RTN3: variants seen among roughly 807,000 people sequenced by gnomAD.
RTN3 encodes reticulon 3, also known as reticulon-3.
A neutral mutation model predicts 77.8 loss-of-function variants in RTN3; 49 were observed. The observed-to-expected ratio is 0.63, with a 90% confidence interval of 0.50 to 0.80. The LOEUF is 0.80. Among genes scored for constraint, RTN3 ranks in the 30% least tolerant of loss-of-function variants. RTN3 has a pLI of 0.00. For missense variants in RTN3, 1,236 were observed against 1,211.9 expected, an observed-to-expected ratio of 1.02 and a Z score of -0.29; for synonymous variants, 464 against 446.9, an observed-to-expected ratio of 1.04 and a Z score of -0.48.
chr11:63,735,100 C>T (rs755242996), intron 3 of RTN3, among the ~76,000 whole-genome samples: 5 of 152,072 alleles, frequency 3.3e-5, no homozygotes, highest in Non-Finnish European at 7.4e-5. Flanking sequence ...AATCTCTGCT[C>T]ATTGTAACCT....
At chr11:63,697,768 G>A (rs1048021647) in intron 1 of RTN3, among the ~76,000 whole-genome samples, 2 of 152,212 alleles carry the variant, frequency 1.3e-5, no homozygotes, top group African/African-American at 4.8e-5. Context: ...GAGCCACCGC[G>A]CCCGGCCCAC....
At chr11:63,727,949 A>G (rs755541830) in intron 3 of RTN3, among the ~76,000 whole-genome samples, 1 of 152,234 alleles carries the variant, frequency 6.6e-6, no homozygotes, top group South Asian at 2.1e-4. Context: ...ATAATTACAA[A>G]GAAAACCATA....
At chr11:63,703,130 A>C (rs1942328553) in intron 1 of RTN3, among the ~76,000 whole-genome samples, 1 of 152,202 alleles carries the variant, frequency 6.6e-6, no homozygotes, top group Non-Finnish European at 1.5e-5. Flanking sequence ...AAAAAAACAC[A>C]ATTTTTAAAA....
rs530675046 is a variant in RTN3 at position 63,759,826 on chromosome 11, G to C, written c.*1625G>C. The C allele has an allele frequency of 6.6e-6, 1 of 150,726 alleles. No individual in the cohort carries two copies. Among genetic ancestry groups the C allele is most frequent in the Non-Finnish European group, 1.5e-5 (1 of 67,800 alleles). The allele number at this position is 150,726 out of a possible 1,614,324, so 9.3% of individuals were successfully genotyped here. A position where few individuals can be genotyped will look rare whatever the true frequency, so the allele number is the denominator to read the frequency against. On this transcript the variant is annotated 3_prime_UTR_variant, in exon 9 of 9. Transcript: ENST00000377819. ...AAATACAGTAGCACCTAAGGAGCTT[G>C]AATCTTGGTTCCTGTAAAATTTCAA...
At chr11:63,741,704 T>C (rs1323173480) in intron 3 of RTN3, among the ~76,000 whole-genome samples, 2 of 151,976 alleles carry the variant, frequency 1.3e-5, no homozygotes, top group African/African-American at 2.4e-5. Flanking sequence ...TTCTGCCGTG[T>C]TGGCCAGGCT....
intron 2 of RTN3, among the ~76,000 whole-genome samples, chr11:63,717,627 TG>T (rs2011487959): frequency 6.6e-6 from 1 of 151,766 alleles, no homozygotes; most frequent in African/African-American, 2.4e-5. Context: ...TGACCTCAGG[TG>T]AGCCACTGCA....
intron 7 of RTN3, among the ~76,000 whole-genome samples, chr11:63,755,651 CAAA>C (rs776039864): frequency 3.5e-4 from 6 of 17,064 alleles, no homozygotes; most frequent in Admixed American, 9.7e-4. Context: ...AATTCCATCT[CAAA>C]AAAAAAAAAA....
At chr11:63,728,552 G>A (rs1025581322) in intron 3 of RTN3, among the ~76,000 whole-genome samples, 1 of 152,126 alleles carries the variant, frequency 6.6e-6, no homozygotes, top group Middle Eastern at 3.2e-3. Flanking sequence ...GTGTATCGTA[G>A]TCAAGTTGCT....
In RTN3 at chr11:63,752,512, A is replaced by T; in HGVS notation, c.2744A>T (p.Tyr915Phe). 6.2e-7 allele frequency: 1 copy of T among 1,613,092 alleles called. No homozygotes were observed. Among genetic ancestry groups the T allele is most frequent in the Middle Eastern group, 1.6e-4 (1 of 6,062 alleles). The part of the protein sequence containing the change: ...KSEEGHPFKA[Y>F]LDVDITLSSE... ...GTTATTTCTTCTTCTGGAAGAGCCT[A>T]CCTGGACGTAGACATTACTCTGTCC... The change falls in exon 5 of 9, where the codon TAC (tyrosine) becomes TTC (phenylalanine). Residue 915 changes from tyrosine to phenylalanine, a missense_variant. Transcript: ENST00000377819.
At chr11:63,749,048 A>G (rs973600414) in intron 3 of RTN3, among the ~76,000 whole-genome samples, 13 of 151,598 alleles carry the variant, frequency 8.6e-5, no homozygotes, top group African/African-American at 3.1e-4. Flanking sequence ...GTGGGAGGCC[A>G]CAGCAGGAAG....
chr11:63,727,091 CAG>C (rs553605540), intron 3 of RTN3, among the ~76,000 whole-genome samples: 190 of 148,080 alleles, frequency 1.3e-3, no homozygotes, highest in African/African-American at 4.4e-3. Flanking sequence ...CCAGGGAGGT[CAG>C]GGGTGCAGAT....
chr11:63,696,865 CTTTCTTTCTTTCTTTCTT>C (rs1565304402), intron 1 of RTN3, among the ~76,000 whole-genome samples: 1 of 56,684 alleles, frequency 1.8e-5, no homozygotes, highest in Non-Finnish European at 3.4e-5. Flanking sequence ...TATTTTCTTT[CTTTCTTTCTTTCTTTCTT>C]TTTTTTTTTT....
At chr11:63,703,285 G>A (rs1388051925) in intron 1 of RTN3, among the ~76,000 whole-genome samples, 3 of 152,114 alleles carry the variant, frequency 2.0e-5, no homozygotes, top group African/African-American at 7.2e-5. Context: ...TTCAGATTTT[G>A]GTGGTGGGGG....
At chr11:63,750,781 G>A (rs991119398) in intron 4 of RTN3, among the ~76,000 whole-genome samples, 18 of 151,670 alleles carry the variant, frequency 1.2e-4, no homozygotes, top group Non-Finnish European at 1.5e-5. Flanking sequence ...GCCCAGGCTG[G>A]AGTGCAGCGG....
chr11:63,687,432 CATGGTGA>C (rs1941432791), intron 1 of RTN3, among the ~76,000 whole-genome samples: 1 of 152,130 alleles, frequency 6.6e-6, no homozygotes, highest in African/African-American at 2.4e-5. Flanking sequence ...GCCTGGCCAA[CATGGTGA>C]AACCCTGCCT....
chr11:63,710,174 A>G (rs926434083), intron 2 of RTN3, among the ~76,000 whole-genome samples: 1 of 152,100 alleles, frequency 6.6e-6, no homozygotes, highest in Non-Finnish European at 1.5e-5. Context: ...AAATGTATTT[A>G]CTCATAAGTA....
chr11:63,719,074 C>G lies in RTN3; in HGVS notation c.572C>G (p.Ser191Ter). The G allele has an allele frequency of 6.2e-7, 1 of 1,614,106 alleles. No homozygotes were observed. Among genetic ancestry groups the G allele is most frequent in the Non-Finnish European group, 8.5e-7 (1 of 1,180,024 alleles). Residue 191 changes from serine (S) to a stop codon, truncating the protein, a stop_gained, in exon 3 of 9, where the codon TCA becomes TGA. Transcript: ENST00000377819. LOFTEE classifies it high-confidence loss of function. ...GAGACCAAGAACCCAAATGGGGTAT[C>G]AAGTAGGGAGGCTAAAACTGCATTG... ...DKETKNPNGV[S>*]SREAKTALDA... is the part of the protein sequence containing the mutation.
intron 3 of RTN3, among the ~76,000 whole-genome samples, chr11:63,749,266 G>A (rs572297834): frequency 2.4e-4 from 36 of 152,276 alleles, no homozygotes; most frequent in African/African-American, 7.7e-4. Context: ...GTGACAGAGT[G>A]AGACGCTGTC....
chr11:63,725,748 G>A (rs911890913), intron 3 of RTN3, among the ~76,000 whole-genome samples: 5 of 152,114 alleles, frequency 3.3e-5, no homozygotes, highest in African/African-American at 9.7e-5. Context: ...CACCGCGCCC[G>A]GCCTTAAGTT....
Sources: allele counts gnomAD v4.1 joint callset (sites outside exome capture counted in the v4.1 genomes callset), GRCh38; gene constraint gnomAD v4.1.1; transcripts MANE v1.5; gene names NCBI Gene and HGNC (gene_info 2026-07-23, HGNC 2026-07-21).